The following SPATA16 variants were observed in gnomAD, a reference collection of about 807,000 sequenced individuals.
SPATA16 encodes the protein spermatogenesis-associated protein 16.
Under a neutral mutation model 63.3 loss-of-function variants are expected in SPATA16, and 36 were observed. The observed-to-expected ratio is 0.57, with a 90% CI of 0.44 to 0.75. The LOEUF is 0.75. SPATA16 is among the 30% of genes least tolerant of loss of function. SPATA16 has a pLI of 0.00. For synonymous variants in SPATA16, 203 were observed against 216.7 expected, an observed-to-expected ratio of 0.94 and a Z score of 0.56; for missense variants, 646 against 679.3, an observed-to-expected ratio of 0.95 and a Z score of 0.54.
At chr3:172,970,767 G>C (rs1322422660) in intron 5 of SPATA16, among the ~76,000 whole-genome samples, 1 of 152,096 alleles carries the variant, frequency 6.6e-6, no homozygotes, top group Non-Finnish European at 1.5e-5. Context: ...TTTTTCACAT[G>C]GAAGCAAATC....
chr3:173,030,931 C>T (rs962765739), intron 3 of SPATA16, among the ~76,000 whole-genome samples: 5 of 152,056 alleles, frequency 3.3e-5, no homozygotes, highest in Non-Finnish European at 7.4e-5. Flanking sequence ...CATGCTACAA[C>T]ATGAATGCAC....
At chr3:173,093,728 T>C (rs1459751594) in intron 2 of SPATA16, among the ~76,000 whole-genome samples, 1 of 152,160 alleles carries the variant, frequency 6.6e-6, no homozygotes, top group Non-Finnish European at 1.5e-5. Context: ...AGTATATTTA[T>C]ATGCCAAAAT....
At chr3:172,964,775 A>G (rs1733873751) in intron 5 of SPATA16, among the ~76,000 whole-genome samples, 1 of 152,220 alleles carries the variant, frequency 6.6e-6, no homozygotes, top group African/African-American at 2.4e-5. Context: ...GTTGGGACAA[A>G]GACCTGGTGA....
At position 172,995,316 on chromosome 3, in the gene SPATA16, C is replaced by G. The variant is rs116752912; in HGVS notation, c.849-18264G>C. On this transcript the variant is annotated intron_variant, in intron 4 of 10. Coordinates refer to ENST00000351008, the MANE Select transcript of SPATA16 (RefSeq NM_031955.6). ...TTTGGAGAAGTGAGACTAGGTAATA[C>G]TATTATTATTATCTACTTTCCACAA... 9.0e-3 allele frequency among the ~76,000 whole-genome samples: 1,369 copies of G among 152,012 alleles called. 26 individuals carry two copies. Among genetic ancestry groups the G allele is most frequent in the African/African-American group, 0.029 (1,213 of 41,480 alleles).
At chr3:173,019,423 G>T (rs547302082) in intron 4 of SPATA16, 63 bp downstream of exon 4, 3 of 1,389,974 alleles carry the variant, frequency 2.2e-6, no homozygotes, top group East Asian at 4.6e-5. Flanking sequence ...GCTATTACCA[G>T]AATTTGAGAA....
At chr3:172,928,228 G>A (rs554532778) in intron 6 of SPATA16, among the ~76,000 whole-genome samples, 2 of 152,224 alleles carry the variant, frequency 1.3e-5, no homozygotes, top group East Asian at 3.9e-4. Flanking sequence ...TCTTTAGTTG[G>A]TGGTTGTGTT....
chr3:172,976,338 C>T (rs1284511157), intron 5 of SPATA16, among the ~76,000 whole-genome samples: 1 of 151,974 alleles, frequency 6.6e-6, no homozygotes, highest in African/African-American at 2.4e-5. Flanking sequence ...AACTTATTGA[C>T]AGCTTGTTGG....
intron 2 of SPATA16, among the ~76,000 whole-genome samples, chr3:173,083,136 C>T (rs1389148715): frequency 3.3e-5 from 5 of 151,430 alleles, no homozygotes; most frequent in Non-Finnish European, 7.4e-5. Flanking sequence ...TTTTTTACTA[C>T]ACTGTTATAA....
At chr3:173,056,627 C>T in intron 2 of SPATA16, among the ~76,000 whole-genome samples, 1 of 146,940 alleles carries the variant, frequency 6.8e-6, no homozygotes, top group Middle Eastern at 3.7e-3. Flanking sequence ...TCTCTTGAAC[C>T]CAGGAGGCGG....
chr3:173,066,802 A>G (rs930789950), intron 2 of SPATA16, among the ~76,000 whole-genome samples: 15 of 152,092 alleles, frequency 9.9e-5, no homozygotes, highest in Non-Finnish European at 1.5e-4. Flanking sequence ...GGAAAACATG[A>G]CCTCATCAAA....
At chr3:172,922,108 A>G (rs1004142226) in intron 8 of SPATA16, among the ~76,000 whole-genome samples, 19 of 152,218 alleles carry the variant, frequency 1.2e-4, no homozygotes, top group South Asian at 4.1e-4. Context: ...TCATTAAGCT[A>G]GTTTACCTTT....
At chr3:172,976,715 T>A (rs1476767777) in intron 5 of SPATA16, among the ~76,000 whole-genome samples, 1 of 152,106 alleles carries the variant, frequency 6.6e-6, no homozygotes. Flanking sequence ...GGAAAAGTAG[T>A]TCCTGGGATC....
chr3:173,059,832 CTTTTTTTTTTTT>C (rs201000096), intron 2 of SPATA16, among the ~76,000 whole-genome samples: 26 of 71,336 alleles, frequency 3.6e-4, no homozygotes, highest in South Asian at 1.7e-3. Flanking sequence ...CATTTGGTAG[CTTTTTTTTTTTT>C]TTTTTTTTTT....
intron 5 of SPATA16, among the ~76,000 whole-genome samples, chr3:172,958,212 AC>A (rs1373670991): frequency 1.3e-5 from 2 of 152,168 alleles, no homozygotes; most frequent in Admixed American, 1.3e-4. Flanking sequence ...AAAGGAAGAG[AC>A]CAGACAAGGA....
chr3:172,977,869 G>A (rs897019768), intron 4 of SPATA16, among the ~76,000 whole-genome samples: 4 of 152,028 alleles, frequency 2.6e-5, no homozygotes, highest in Admixed American at 2.0e-4. Flanking sequence ...ATTTACTTAA[G>A]TAGAGCTATG....
intron 2 of SPATA16, among the ~76,000 whole-genome samples, chr3:173,056,546 T>C (rs1015150290): frequency 6.6e-6 from 1 of 151,716 alleles, no homozygotes; most frequent in African/African-American, 2.4e-5. Flanking sequence ...CTACTAAAAA[T>C]ACCAAAAATT....
chr3:172,937,880 A>G (rs571455770), intron 6 of SPATA16, among the ~76,000 whole-genome samples: 1 of 152,308 alleles, frequency 6.6e-6, no homozygotes, highest in Non-Finnish European at 1.5e-5. Flanking sequence ...GGTATACATC[A>G]TCCAGACAGA....
chr3:173,063,911 G>A lies in SPATA16; in HGVS notation c.613-14817C>T, dbSNP rs866045756. On this transcript the variant is annotated intron_variant, in intron 2 of 10. Coordinates refer to ENST00000351008, the MANE Select transcript of SPATA16 (RefSeq NM_031955.6). ...AGTTTAATAGAGTAATGCATGATTCGTGAATTGGGCAGCCTCCCAAGCTGG... is the reference window on the plus strand; with the variant it reads ...AGTTTAATAGAGTAATGCATGATTCATGAATTGGGCAGCCTCCCAAGCTGG... Among the ~76,000 whole-genome samples the A allele has an allele frequency of 3.9e-5, 6 of 152,172 alleles. No homozygotes were observed. In the East Asian group the frequency reaches 7.7e-4, roughly 20 times the overall value.
intron 8 of SPATA16, among the ~76,000 whole-genome samples, chr3:172,919,134 A>G (rs1732564741): frequency 6.6e-6 from 1 of 152,218 alleles, no homozygotes; most frequent in Admixed American, 6.5e-5. Context: ...TTGGCAAGTC[A>G]TCCTGTGAAG....
Sources: gnomAD v4.1 joint callset for allele counts (sites outside exome capture counted in the v4.1 genomes callset) on GRCh38, gnomAD v4.1.1 for gene constraint, MANE v1.5 for transcripts, NCBI Gene and HGNC (gene_info 2026-07-23, HGNC 2026-07-21) for gene names.